Variants in PTPRR observed in about 807,000 individuals in gnomAD.
The protein encoded by PTPRR is protein tyrosine phosphatase receptor type R, also known as receptor-type tyrosine-protein phosphatase R.
PTPRR carries 38 observed loss-of-function variants against 77.2 expected under a neutral mutation model. The observed-to-expected ratio is 0.49, with a 90% confidence interval of 0.38 to 0.65. PTPRR has a LOEUF of 0.65. Among genes scored for constraint, PTPRR ranks in the 30% least tolerant of loss-of-function variants. The probability of loss-of-function intolerance (pLI) is 0.00; values close to 1 mark genes in which losing one functional copy is unlikely to be tolerated. For missense variants in PTPRR, 744 were observed against 799.2 expected, an observed-to-expected ratio of 0.93 and a Z score of 0.83; for synonymous variants, 299 against 283.1, an observed-to-expected ratio of 1.06 and a Z score of -0.57.
chr12:70,661,175 T>C, intron 11 of PTPRR, 78 bp from the exon 12 acceptor site: 1 of 1,522,364 alleles, frequency 6.6e-7, no homozygotes, highest in East Asian at 2.4e-5. Context: ...ACTGAATGCC[T>C]TTTATCACCC....
intron 10 of PTPRR, among the ~76,000 whole-genome samples, chr12:70,666,230 T>C (rs1017072554): frequency 6.6e-6 from 1 of 152,212 alleles, no homozygotes; most frequent in East Asian, 1.9e-4. Context: ...AAAATATCAC[T>C]TTATGAATGA....
intron 10 of PTPRR, among the ~76,000 whole-genome samples, chr12:70,664,962 T>C (rs1451036242): frequency 6.6e-6 from 1 of 152,206 alleles, no homozygotes; most frequent in Non-Finnish European, 1.5e-5. Context: ...TACAAGTTCA[T>C]GTTCAAATTA....
intron 2 of PTPRR, among the ~76,000 whole-genome samples, chr12:70,885,534 ATTTTT>A (rs34620002): frequency 1.5e-5 from 2 of 137,070 alleles, no homozygotes; most frequent in South Asian, 2.3e-4. Context: ...ACAGTTAAGG[ATTTTT>A]TTTTTTTTTT....
chr12:70,858,187 C>A (rs529574065), intron 2 of PTPRR, among the ~76,000 whole-genome samples: 2 of 151,898 alleles, frequency 1.3e-5, no homozygotes, highest in South Asian at 4.1e-4. Context: ...TTGATTCTTT[C>A]TTTTTTCCCT....
At chr12:70,858,950 C>T (rs571226649) in intron 2 of PTPRR, among the ~76,000 whole-genome samples, 23 of 122,560 alleles carry the variant, frequency 1.9e-4, no homozygotes, top group East Asian at 1.8e-3. Context: ...TCTAGCATTT[C>T]GCCCTTTTTT....
At chr12:70,830,276 T>C (rs1033476702) in intron 2 of PTPRR, among the ~76,000 whole-genome samples, 1 of 152,210 alleles carries the variant, frequency 6.6e-6, no homozygotes, top group African/African-American at 2.4e-5. Context: ...AAAGTCTTAG[T>C]AGCCTTTACA....
At chr12:70,699,826 A>G (rs1193606526) in intron 7 of PTPRR, among the ~76,000 whole-genome samples, 3 of 152,178 alleles carry the variant, frequency 2.0e-5, no homozygotes, top group Non-Finnish European at 4.4e-5. Context: ...CACAAAGGTA[A>G]TATCTTTATT....
intron 2 of PTPRR, among the ~76,000 whole-genome samples, chr12:70,780,569 G>A (rs1891183212): frequency 6.6e-6 from 1 of 151,754 alleles, no homozygotes; most frequent in Admixed American, 6.6e-5. Flanking sequence ...CTGATACATA[G>A]GTTATATATA....
chr12:70,791,618 T>G (rs544790694), intron 2 of PTPRR, among the ~76,000 whole-genome samples: 29 of 152,320 alleles, frequency 1.9e-4, no homozygotes, highest in African/African-American at 6.5e-4. Flanking sequence ...AAATAATGCT[T>G]GGCTTATGGC....
intron 6 of PTPRR, among the ~76,000 whole-genome samples, chr12:70,715,443 G>T (rs1888988343): frequency 6.6e-6 from 1 of 152,120 alleles, no homozygotes. Context: ...CAGGAGACAG[G>T]GTTTTGAGAG....
At chr12:70,689,243 A>G in intron 8 of PTPRR, among the ~76,000 whole-genome samples, 1 of 152,184 alleles carries the variant, frequency 6.6e-6, no homozygotes. Context: ...TTAGCATGAT[A>G]TGATCATTCC....
At chr12:70,717,035 A>G (rs1249141441) in intron 6 of PTPRR, among the ~76,000 whole-genome samples, 1 of 152,226 alleles carries the variant, frequency 6.6e-6, no homozygotes, top group Non-Finnish European at 1.5e-5. Flanking sequence ...GCAGTGAAGA[A>G]TATGTAAAAA....
At chr12:70,773,261 G>A (rs953796750) in intron 2 of PTPRR, among the ~76,000 whole-genome samples, 9 of 152,190 alleles carry the variant, frequency 5.9e-5, no homozygotes, top group African/African-American at 2.2e-4. Context: ...ACATTCTTAG[G>A]TACTGGAAGG....
intron 10 of PTPRR, chr12:70,672,957 A>G (rs1042399783): frequency 7.1e-7 from 1 of 1,405,128 alleles, no homozygotes. Flanking sequence ...GGCAGGTGCC[A>G]GCCCTGTAAG....
chr12:70,716,489 A>G (rs1434920226), intron 6 of PTPRR, among the ~76,000 whole-genome samples: 1 of 152,126 alleles, frequency 6.6e-6, no homozygotes, highest in African/African-American at 2.4e-5. Flanking sequence ...TGTAATATAT[A>G]TGTTTTACAC....
chr12:70,869,039 T>TG (rs1434975659), intron 2 of PTPRR, among the ~76,000 whole-genome samples: 6 of 47,206 alleles, frequency 1.3e-4, no homozygotes, highest in Non-Finnish European at 2.2e-4. Context: ...TGTTGTGGGG[T>TG]GGGGGGAGGG....
At chr12:70,784,407 C>T (rs1009176515) in intron 2 of PTPRR, among the ~76,000 whole-genome samples, 1 of 152,208 alleles carries the variant, frequency 6.6e-6, no homozygotes, top group Non-Finnish European at 1.5e-5. Flanking sequence ...GGGCTAGTAG[C>T]GGGGTTGGGT....
At chr12:70,886,419 T>C (rs1345750351) in intron 2 of PTPRR, among the ~76,000 whole-genome samples, 6 of 152,240 alleles carry the variant, frequency 3.9e-5, no homozygotes, top group Admixed American at 1.3e-4. Context: ...GAGTAGATCA[T>C]TGAATTTCTT....
intron 6 of PTPRR, among the ~76,000 whole-genome samples, chr12:70,734,345 C>G (rs1170680302): frequency 2.0e-5 from 3 of 152,176 alleles, no homozygotes; most frequent in Non-Finnish European, 4.4e-5. Flanking sequence ...AGGGTCAAGA[C>G]AAAAAGAACT....
Sources: gnomAD v4.1 joint callset for allele counts (sites outside exome capture counted in the v4.1 genomes callset) on GRCh38, gnomAD v4.1.1 for gene constraint, MANE v1.5 for transcripts, NCBI Gene and HGNC (gene_info 2026-07-23, HGNC 2026-07-21) for gene names.